PWWP2B: variants seen among roughly 807,000 people sequenced by gnomAD.
The protein encoded by PWWP2B is PWWP domain-containing protein 2B.
Under a neutral mutation model 15.5 loss-of-function variants are expected in PWWP2B, and 9 were observed. The observed-to-expected ratio is 0.58, with a 90% confidence interval of 0.35 to 1.02. The LOEUF (loss-of-function observed/expected upper bound fraction) is 1.02. PWWP2B is among the 50% of genes least tolerant of loss of function. PWWP2B has a pLI of 0.02. For missense variants in PWWP2B, 864 were observed against 865.3 expected (o/e 1.00, Z 0.02); for synonymous variants, 474 against 403.6 (o/e 1.17, Z -2.09).
intron 1 of PWWP2B, among the ~76,000 whole-genome samples, chr10:132,403,925 G>T (rs191728524): frequency 6.6e-6 from 1 of 151,182 alleles, no homozygotes; most frequent in South Asian, 2.1e-4. Context: ...ATCTCCAGAG[G>T]GCTCAGCCCC....
chr10:132,415,741 CCACA>C, intron 2 of PWWP2B, among the ~76,000 whole-genome samples: 1 of 151,110 alleles, frequency 6.6e-6, no homozygotes, highest in African/African-American at 2.4e-5. Flanking sequence ...TCACACACAT[CCACA>C]CACACACAAT....
chr10:132,416,945 C>T, intron 2 of PWWP2B, 116 bp from the exon 3 acceptor site: 1 of 1,089,042 alleles, frequency 9.2e-7, no homozygotes, highest in African/African-American at 1.5e-5. Context: ...CGGTGGAGGT[C>T]CCGGGTGAGC....
intron 1 of PWWP2B, 28 bp downstream of exon 1, chr10:132,397,379 C>A (rs1469321135): frequency 2.4e-6 from 3 of 1,240,348 alleles, no homozygotes; most frequent in Non-Finnish European, 3.1e-6. Context: ...CCGGGACACC[C>A]CCGGGGTCCC....
intron 2 of PWWP2B, among the ~76,000 whole-genome samples, chr10:132,406,797 C>T (rs2069706052): frequency 6.6e-6 from 1 of 152,172 alleles, no homozygotes; most frequent in South Asian, 2.1e-4. Context: ...AGCTTCCCAC[C>T]CTCAGATGAA....
intron 1 of PWWP2B, 44 bp from the exon 2 acceptor site, chr10:132,404,582 G>A (rs764463231): frequency 1.9e-6 from 3 of 1,552,976 alleles, no homozygotes; most frequent in East Asian, 2.2e-5. Context: ...TGGCAGATGT[G>A]CCAGGGTCCC....
At chr10:132,403,944 C>T (rs560028301) in intron 1 of PWWP2B, among the ~76,000 whole-genome samples, 10 of 152,214 alleles carry the variant, frequency 6.6e-5, no homozygotes, top group Non-Finnish European at 1.2e-4. Context: ...CCGGGCCACG[C>T]GCAGCCCCAC....
At chr10:132,409,844 T>C (rs917480822) in intron 2 of PWWP2B, among the ~76,000 whole-genome samples, 4 of 152,120 alleles carry the variant, frequency 2.6e-5, no homozygotes, top group African/African-American at 9.7e-5. Flanking sequence ...CCGGGAAGGC[T>C]TCCTGGAGGA....
intron 2 of PWWP2B, among the ~76,000 whole-genome samples, chr10:132,409,628 ACCACCCAC>A (rs57349418): frequency 0.066 from 9,511 of 143,122 alleles, 340 homozygotes; most frequent in African/African-American, 0.15. Context: ...TCTCTCCCTC[ACCACCCAC>A]CCACCCACCC....
chr10:132,406,007 TG>T lies in PWWP2B; in HGVS notation c.1509del (p.Trp503CysfsTer51). On this transcript the variant is annotated frameshift_variant, in exon 2 of 3. Transcript: ENST00000305233. LOFTEE classifies it low-confidence loss of function (END_TRUNC). ...IVWGKIHGFP[W>X]WPARVLDISL... The stretch of plus-strand genomic sequence containing the variant: ...CTGGGGTAAGATCCATGGTTTTCCT[TG>T]GTGGCCGGCGCGTGTTCTTGACATC... 6.2e-7 allele frequency: 1 copy of T among 1,613,678 alleles called. No homozygotes were observed. Among genetic ancestry groups the T allele is most frequent in the Non-Finnish European group, 8.5e-7 (1 of 1,179,988 alleles).
At chr10:132,409,785 A>T (rs1380325904) in intron 2 of PWWP2B, among the ~76,000 whole-genome samples, 2 of 152,180 alleles carry the variant, frequency 1.3e-5, no homozygotes, top group African/African-American at 4.8e-5. Context: ...GGAAGGGAAG[A>T]GGGGCTTGAA....
chr10:132,403,506 G>A (rs1026309843), intron 1 of PWWP2B, among the ~76,000 whole-genome samples: 1 of 152,238 alleles, frequency 6.6e-6, no homozygotes, highest in Non-Finnish European at 1.5e-5. Flanking sequence ...GCAGCTTGTT[G>A]GGCGGGATGA....
At chr10:132,400,120 C>T (rs1220112647) in intron 1 of PWWP2B, among the ~76,000 whole-genome samples, 1 of 152,174 alleles carries the variant, frequency 6.6e-6, no homozygotes, top group African/African-American at 2.4e-5. Context: ...CTGGGGGCTG[C>T]TCTTGGGATG....
chr10:132,417,187 C>T lies in PWWP2B; in HGVS notation c.*143C>T, dbSNP rs1309768668. 11 of 1,248,636 alleles carry T rather than the reference C, an allele frequency of 8.8e-6. No homozygotes were observed. Among genetic ancestry groups the T allele is most frequent in the Middle Eastern group, 1.9e-4 (1 of 5,380 alleles). 77.3% of individuals were successfully genotyped at this position (1,248,636 alleles called of 1,614,324 possible). A position where few individuals can be genotyped will look rare whatever the true frequency, so the allele number is the denominator to read the frequency against. Reference sequence around the variant, plus strand: ...CGGTGGTCGGCCTGGTGTGAGGCCCCCCGGGGACCGGCAGTGTGTCCAGGG... The same window carrying T: ...CGGTGGTCGGCCTGGTGTGAGGCCCTCCGGGGACCGGCAGTGTGTCCAGGG... On this transcript the variant is annotated 3_prime_UTR_variant, in exon 3 of 3. Transcript: ENST00000305233.
chr10:132,413,103 C>A (rs141027038), intron 2 of PWWP2B, among the ~76,000 whole-genome samples: 1 of 152,352 alleles, frequency 6.6e-6, no homozygotes, highest in East Asian at 1.9e-4. Context: ...CTGCTTTCTG[C>A]CCCTCGGGCC....
intron 1 of PWWP2B, among the ~76,000 whole-genome samples, chr10:132,403,538 G>A (rs2069639760): frequency 1.3e-5 from 2 of 152,216 alleles, no homozygotes; most frequent in African/African-American, 4.8e-5. Context: ...GACAGGGCTC[G>A]GGGACATTGG....
chr10:132,401,784 G>A (rs903850030), intron 1 of PWWP2B, among the ~76,000 whole-genome samples: 1 of 152,266 alleles, frequency 6.6e-6, no homozygotes, highest in African/African-American at 2.4e-5. Context: ...CTGCGAAATG[G>A]GAAGACTGTG....
intron 1 of PWWP2B, 26 bp from the exon 2 acceptor site, chr10:132,404,600 T>TG: frequency 6.3e-7 from 1 of 1,599,010 alleles, no homozygotes; most frequent in Non-Finnish European, 8.6e-7. Flanking sequence ...CCCTTCTCAC[T>TG]GTGGTTTCTC....
At chr10:132,416,977 T>A in intron 2 of PWWP2B, 84 bp from the exon 3 acceptor site, 1 of 1,509,214 alleles carries the variant, frequency 6.6e-7, no homozygotes, top group Non-Finnish European at 9.2e-7. Flanking sequence ...CGGGGCACCC[T>A]GACCTGCTGC....
At chr10:132,414,467 C>T (rs1026846844) in intron 2 of PWWP2B, among the ~76,000 whole-genome samples, 1 of 152,206 alleles carries the variant, frequency 6.6e-6, no homozygotes, top group Non-Finnish European at 1.5e-5. Flanking sequence ...TGTGCCACAG[C>T]ACCAGCTGTG....
Sources: allele counts gnomAD v4.1 joint callset (sites outside exome capture counted in the v4.1 genomes callset), GRCh38; gene constraint gnomAD v4.1.1; transcripts MANE v1.5; gene names NCBI Gene and HGNC (gene_info 2026-07-23, HGNC 2026-07-21).